Variants in OPRM1 observed in about 807,000 individuals in gnomAD.
OPRM1 encodes the protein mu-type opioid receptor.
Under a neutral mutation model 31.8 loss-of-function variants are expected in OPRM1, and 27 were observed. The ratio of observed to expected loss-of-function variants is 0.85; its 90% CI spans 0.63 to 1.17. The LOEUF (loss-of-function observed/expected upper bound fraction) is 1.17, where lower values mean the gene tolerates loss of function less well. OPRM1 is among the 50% of genes most tolerant of loss of function. The probability of loss-of-function intolerance (pLI) is 0.00; values close to 1 mark genes in which losing one functional copy is unlikely to be tolerated. For synonymous variants in OPRM1, 196 were observed against 189.9 expected (o/e 1.03, Z -0.26); for missense variants, 536 against 511.1 (o/e 1.05, Z -0.47).
chr6:154,221,612 G>A (rs1251718242), intron 3 of OPRM1, among the ~76,000 whole-genome samples: 1 of 152,076 alleles, frequency 6.6e-6, no homozygotes, highest in Non-Finnish European at 1.5e-5. Flanking sequence ...GGTGGCTCAC[G>A]CCTGTAATCC....
intron 1 of OPRM1, chr6:154,087,061 C>T (rs1790759907): frequency 1.0e-6 from 1 of 983,964 alleles, no homozygotes; most frequent in Admixed American, 6.2e-5. Flanking sequence ...TATTTTCTCT[C>T]CTCAAGTTAA....
At chr6:154,066,940 T>C (rs895847424) in intron 1 of OPRM1, among the ~76,000 whole-genome samples, 1 of 152,200 alleles carries the variant, frequency 6.6e-6, no homozygotes, top group Admixed American at 6.5e-5. Flanking sequence ...TCATCCAGAT[T>C]ATCCAATTTG....
At chr6:154,235,308 A>G (rs1780027523) in intron 3 of OPRM1, among the ~76,000 whole-genome samples, 1 of 152,252 alleles carries the variant, frequency 6.6e-6, no homozygotes, top group African/African-American at 2.4e-5. Context: ...AGGCGGGCAG[A>G]TCACCTGAGG....
At chr6:154,077,893 A>G (rs1288506060) in intron 1 of OPRM1, among the ~76,000 whole-genome samples, 16 of 149,616 alleles carry the variant, frequency 1.1e-4, no homozygotes, top group Admixed American at 8.6e-4. Flanking sequence ...TTTTTAACTC[A>G]TATCTATTTA....
At chr6:154,109,767 CCTCTCTCTCT>C (rs60360261) in intron 3 of OPRM1, among the ~76,000 whole-genome samples, 2 of 127,476 alleles carry the variant, frequency 1.6e-5, no homozygotes, top group South Asian at 2.8e-4. Flanking sequence ...ACTCTCTCTC[CCTCTCTCTCT>C]CTCTCTCTCT....
At position 154,212,137 on chromosome 6, in the gene OPRM1, T is replaced by C. The variant is rs1049031870; in HGVS notation, c.1165-34556T>C. 5.3e-5 allele frequency among the ~76,000 whole-genome samples: 8 copies of C among 152,230 alleles called. No individual in the cohort carries two copies. In the South Asian group the frequency reaches 8.3e-4, roughly 16 times the overall value. On this transcript the variant is annotated intron_variant, in intron 3 of 3. Transcript: ENST00000337049. ...AAATCACCTTCCCCAATGATCATTG[T>C]ATGACCCTTCCTCGGGGCCATTACT...
intron 3 of OPRM1, among the ~76,000 whole-genome samples, chr6:154,214,931 C>CCTTCTCACTGTAGTTCCTTAT (rs1247509398): frequency 6.6e-6 from 1 of 152,192 alleles, no homozygotes; most frequent in Non-Finnish European, 1.5e-5. Context: ...TCACTGCAGA[C>CCTTCTCACTGTAGTTCCTTAT]CACTGTAGTT....
chr6:154,211,924 T>TA (rs1324194270), intron 3 of OPRM1, among the ~76,000 whole-genome samples: 3 of 152,160 alleles, frequency 2.0e-5, no homozygotes, highest in South Asian at 4.1e-4. Context: ...AGGAAAGACT[T>TA]AGACACTTCA....
intron 3 of OPRM1, chr6:154,212,685 G>A: frequency 1.1e-6 from 1 of 873,284 alleles, no homozygotes; most frequent in Non-Finnish European, 1.8e-6. Context: ...AAAATTTATT[G>A]GTCAAGCTAC....
At chr6:154,091,511 G>T (rs1178093562) in intron 3 of OPRM1, 39 bp downstream of exon 3, 1 of 1,564,700 alleles carries the variant, frequency 6.4e-7, no homozygotes, top group South Asian at 1.2e-5. Context: ...TACTGGGGAT[G>T]ACATAAAAAT....
intron 3 of OPRM1, among the ~76,000 whole-genome samples, chr6:154,240,413 C>G (rs1300212943): frequency 1.3e-5 from 2 of 151,984 alleles, no homozygotes; most frequent in Admixed American, 6.5e-5. Flanking sequence ...TAAACTCACT[C>G]AGACATTTTC....
upstream of OPRM1, among the ~76,000 whole-genome samples, chr6:154,034,761 G>A (rs912208047): frequency 9.9e-5 from 15 of 152,126 alleles, no homozygotes; most frequent in African/African-American, 3.6e-4. Context: ...GGCTGTACTA[G>A]GGTAATGGCA....
intron 3 of OPRM1, among the ~76,000 whole-genome samples, chr6:154,147,586 T>A (rs1330113573): frequency 6.6e-6 from 1 of 152,224 alleles, no homozygotes; most frequent in African/African-American, 2.4e-5. Flanking sequence ...GACACCCTAA[T>A]AGATCATGTG....
intron 3 of OPRM1, among the ~76,000 whole-genome samples, chr6:154,095,722 G>C (rs1488435164): frequency 6.6e-6 from 1 of 152,080 alleles, no homozygotes; most frequent in African/African-American, 2.4e-5. Context: ...GCATGCCTGG[G>C]CTCAGCCTAC....
chr6:154,067,396 C>G (rs1785667665), intron 1 of OPRM1, among the ~76,000 whole-genome samples: 1 of 151,636 alleles, frequency 6.6e-6, no homozygotes. Context: ...TGTGATTTTT[C>G]TCTTTGAACC....
chr6:154,145,009 AC>A (rs1159626972), intron 3 of OPRM1, among the ~76,000 whole-genome samples: 4 of 152,130 alleles, frequency 2.6e-5, no homozygotes, highest in Non-Finnish European at 5.9e-5. Context: ...AAATATATAT[AC>A]CAAAAAACTA....
intron 3 of OPRM1, among the ~76,000 whole-genome samples, chr6:154,206,802 C>G (rs768385536): frequency 6.6e-6 from 1 of 152,162 alleles, no homozygotes; most frequent in Non-Finnish European, 1.5e-5. Flanking sequence ...AAACTTTATA[C>G]CTACAGGTAC....
intron 3 of OPRM1, among the ~76,000 whole-genome samples, chr6:154,142,417 C>T (rs1398666018): frequency 6.6e-6 from 1 of 152,014 alleles, no homozygotes; most frequent in African/African-American, 2.4e-5. Flanking sequence ...GGGGACATTC[C>T]ACCAGAAAAG....
chr6:154,208,953 C>T lies in OPRM1; in HGVS notation c.1165-37740C>T, dbSNP rs116076432. Among the ~76,000 whole-genome samples the T allele has an allele frequency of 4.2e-3, 638 of 152,288 alleles. 6 individuals are homozygous for T. The highest frequency in any genetic ancestry group is 0.014 in the African/African-American group (595 of 41,558). On this transcript the variant is annotated intron_variant, in intron 3 of 3. Transcript: ENST00000337049. ...TGAGAATAAATGGATGTTCTTTCCA[C>T]TATCAACCCTCTGAAACCTTCTGAA...
Sources: gnomAD v4.1 joint callset for allele counts (sites outside exome capture counted in the v4.1 genomes callset) on GRCh38, gnomAD v4.1.1 for gene constraint, MANE v1.5 for transcripts, NCBI Gene and HGNC (gene_info 2026-07-23, HGNC 2026-07-21) for gene names.